Variants in ZEB1 observed in about 807,000 individuals in gnomAD.
ZEB1 encodes zinc finger E-box-binding homeobox 1.
A neutral mutation model predicts 84.9 loss-of-function variants in ZEB1; 21 were observed. The ratio of observed to expected loss-of-function variants is 0.25; its 90% CI spans 0.18 to 0.36. The LOEUF (loss-of-function observed/expected upper bound fraction) is 0.36, where lower values mean the gene tolerates loss of function less well. ZEB1 is among the 10% of genes least tolerant of loss of function. The pLI is 1.00. For synonymous variants in ZEB1, 420 were observed against 471.1 expected (o/e 0.89, Z 1.41); for missense variants, 1,104 against 1,330.2 (o/e 0.83, Z 2.65).
chr10:31,364,761 T>C (rs1163858256), intron 1 of ZEB1, among the ~76,000 whole-genome samples: 1 of 152,246 alleles, frequency 6.6e-6, no homozygotes, highest in Non-Finnish European at 1.5e-5. Flanking sequence ...GAACCCAGGC[T>C]GTGCGATTCC....
chr10:31,341,384 C>T (rs563143039), intron 1 of ZEB1, among the ~76,000 whole-genome samples: 4 of 152,102 alleles, frequency 2.6e-5, no homozygotes, highest in African/African-American at 4.8e-5. Context: ...AAAAAATGGA[C>T]GAGATTAACT....
chr10:31,459,407 A>G (rs1157172447), intron 1 of ZEB1, among the ~76,000 whole-genome samples: 3 of 152,112 alleles, frequency 2.0e-5, no homozygotes, highest in African/African-American at 4.8e-5. Context: ...AATGAGTTAC[A>G]TCATGCCTAC....
intron 1 of ZEB1, among the ~76,000 whole-genome samples, chr10:31,449,903 G>A (rs1169711019): frequency 6.6e-6 from 1 of 152,004 alleles, no homozygotes; most frequent in African/African-American, 2.4e-5. Flanking sequence ...CCATGTCAGG[G>A]GTATACTATT....
At chr10:31,452,742 T>TGTGTGTGTGAGAGAGAGA (rs1387786622) in intron 1 of ZEB1, among the ~76,000 whole-genome samples, 5 of 90,734 alleles carry the variant, frequency 5.5e-5, no homozygotes, top group Admixed American at 1.2e-4. Flanking sequence ...TGTGTGTGTG[T>TGTGTGTGTGAGAGAGAGA]GAGAGAGAGA....
chr10:31,383,876 C>A (rs2048139927), intron 1 of ZEB1, among the ~76,000 whole-genome samples: 1 of 149,464 alleles, frequency 6.7e-6, no homozygotes, highest in African/African-American at 2.5e-5. Context: ...TTTCTAAGGG[C>A]ACATGAGAAT....
At chr10:31,448,033 A>G (rs1437553666) in intron 1 of ZEB1, among the ~76,000 whole-genome samples, 13 of 149,762 alleles carry the variant, frequency 8.7e-5, no homozygotes, top group Non-Finnish European at 1.9e-4. Flanking sequence ...CATTCTCCCC[A>G]TCACTTTCAG....
intron 1 of ZEB1, among the ~76,000 whole-genome samples, chr10:31,385,675 T>C (rs891990547): frequency 4.6e-5 from 7 of 151,922 alleles, no homozygotes; most frequent in South Asian, 4.2e-4. Flanking sequence ...TTACAGGCGC[T>C]TGCCACCACA....
rs575874753 is a variant in ZEB1 at position 31,526,953 on chromosome 10, T to C, written c.3067T>C (p.Ser1023Pro). ...CAGGGCGTCTCCCTCACAGGGCGACTCGGACGAGAGAGAGAGTTTGACAAG... is the reference window on the plus strand; with the variant it reads ...CAGGGCGTCTCCCTCACAGGGCGACCCGGACGAGAGAGAGAGTTTGACAAG... ...GARASPSQGD[S>P]DERESLTREE... The change falls in exon 9 of 9, where the codon TCG (serine) becomes CCG (proline). Residue 1023 changes from serine to proline, a missense_variant. Ser to Pro is a moderately conservative substitution (Grantham distance 74). Around this residue, in one of 7 missense-constraint regions of ZEB1, gnomAD observed 173 missense variants for 167.0 expected, o/e 1.04. Transcript: ENST00000424869. The C allele has an allele frequency of 1.6e-5, 26 of 1,613,804 alleles. No individual in the cohort carries two copies. In the Admixed American group the frequency reaches 2.8e-4, roughly 18 times the overall value.
rs1196352132 is a variant in ZEB1 at position 31,510,725 on chromosome 10, C to T, written c.537C>T (p.Gly179=). Residue 179 remains glycine (G), a synonymous_variant, in exon 5 of 9, where the codon GGC becomes GGT. Coordinates refer to ENST00000424869, the MANE Select transcript of ZEB1 (RefSeq NM_001174096.2). ...TCACCTGTCCATATTGTGATAGAGG[C>T]TATAAACGCTTTACCTCTCTGAAAG... ...QLLTCPYCDR[G]YKRFTSLKEH... The T allele has an allele frequency of 3.7e-6, 6 of 1,613,728 alleles. No individual in the cohort carries two copies. The highest frequency in any genetic ancestry group is 5.1e-6 in the Non-Finnish European group (6 of 1,179,852).
chr10:31,496,294 T>G (rs2067226935), intron 3 of ZEB1, among the ~76,000 whole-genome samples: 1 of 152,072 alleles, frequency 6.6e-6, no homozygotes, highest in Admixed American at 6.6e-5. Context: ...TGAATATTAA[T>G]GAGTTGAGTG....
chr10:31,501,631 A>G (rs974718461), intron 3 of ZEB1, among the ~76,000 whole-genome samples: 5 of 151,476 alleles, frequency 3.3e-5, no homozygotes, highest in African/African-American at 1.2e-4. Flanking sequence ...TCCCCCCCCC[A>G]TTATCTGTGG....
intron 1 of ZEB1, among the ~76,000 whole-genome samples, chr10:31,435,980 G>T (rs2058251062): frequency 6.6e-6 from 1 of 152,160 alleles, no homozygotes; most frequent in Admixed American, 6.5e-5. Flanking sequence ...TCCAAAAGAT[G>T]AGTAGGAATT....
chr10:31,441,492 C>G (rs2058981161), intron 1 of ZEB1, among the ~76,000 whole-genome samples: 1 of 152,240 alleles, frequency 6.6e-6, no homozygotes, highest in African/African-American at 2.4e-5. Context: ...AGGACATAGG[C>G]ACGGGCAAGG....
intron 1 of ZEB1, chr10:31,321,153 G>A (rs2033927522): frequency 9.4e-7 from 1 of 1,065,444 alleles, no homozygotes; most frequent in Admixed American, 5.0e-5. Context: ...TCCCCTCTGG[G>A]ATGCGAAACG....
intron 1 of ZEB1, among the ~76,000 whole-genome samples, chr10:31,378,134 G>A (rs1016625350): frequency 2.0e-5 from 3 of 150,780 alleles, no homozygotes; most frequent in East Asian, 1.9e-4. Flanking sequence ...GTATACTCAC[G>A]TCTGCTTTAC....
intron 2 of ZEB1, among the ~76,000 whole-genome samples, chr10:31,466,712 G>C (rs977400759): frequency 1.3e-5 from 2 of 151,704 alleles, no homozygotes; most frequent in African/African-American, 2.4e-5. Context: ...AGAAAAATAA[G>C]AACAAAGTAA....
At chr10:31,346,638 A>G (rs1424445738) in intron 1 of ZEB1, among the ~76,000 whole-genome samples, 6 of 152,106 alleles carry the variant, frequency 3.9e-5, no homozygotes, top group African/African-American at 1.4e-4. Context: ...TCAAGAGCAG[A>G]CCACTTGATG....
intron 1 of ZEB1, among the ~76,000 whole-genome samples, chr10:31,453,099 A>G (rs1022853640): frequency 6.6e-6 from 1 of 152,116 alleles, no homozygotes; most frequent in Admixed American, 6.5e-5. Flanking sequence ...TTTCTTTTCT[A>G]ACATGCAAAT....
chr10:31,426,679 A>T (rs1417562835), intron 1 of ZEB1, among the ~76,000 whole-genome samples: 1 of 152,196 alleles, frequency 6.6e-6, no homozygotes, highest in African/African-American at 2.4e-5. Context: ...ATCTAGTGCC[A>T]GATTGTATAG....
Sources: allele counts gnomAD v4.1 joint callset (sites outside exome capture counted in the v4.1 genomes callset), GRCh38; gene constraint gnomAD v4.1.1; regional missense constraint gnomAD v4.1.1; transcripts MANE v1.5; gene names NCBI Gene and HGNC (gene_info 2026-07-23, HGNC 2026-07-21).